Variants in MYLK observed in about 807,000 individuals in gnomAD.
MYLK encodes the protein myosin light chain kinase.
A neutral mutation model predicts 203.4 loss-of-function variants in MYLK; 106 were observed. The ratio of observed to expected loss-of-function variants is 0.52; its 90% confidence interval spans 0.45 to 0.61. MYLK has a LOEUF of 0.61. Ranked by LOEUF, MYLK falls within the 20% of genes least tolerant of loss-of-function variation. MYLK has a pLI of 0.00. For synonymous variants in MYLK, 867 were observed against 959.5 expected, an observed-to-expected ratio of 0.90 and a Z score of 1.78; for missense variants, 2,072 against 2,442.3, an observed-to-expected ratio of 0.85 and a Z score of 3.20.
chr3:123,820,237 A>G (rs563517957), intron 3 of MYLK, among the ~76,000 whole-genome samples: 18 of 152,320 alleles, frequency 1.2e-4, no homozygotes, highest in African/African-American at 3.4e-4. Flanking sequence ...AATCTGGCCT[A>G]GAACAGCTGA....
At chr3:123,830,252 G>A (rs997179676) in intron 3 of MYLK, among the ~76,000 whole-genome samples, 3 of 152,150 alleles carry the variant, frequency 2.0e-5, no homozygotes, top group Non-Finnish European at 2.9e-5. Context: ...TTCAGTGTTC[G>A]CTTTGGTCCA....
chr3:123,869,196 C>T (rs2032562460), intron 2 of MYLK, among the ~76,000 whole-genome samples: 1 of 152,026 alleles, frequency 6.6e-6, no homozygotes, highest in Non-Finnish European at 1.5e-5. Flanking sequence ...GGTCTTGAAC[C>T]TTGTCAAGAG....
rs781712914 is a variant in MYLK at position 123,618,680 on chromosome 3, A to G, written c.5459T>C (p.Val1820Ala). 1.9e-6 allele frequency: 3 copies of G among 1,614,028 alleles called. No individual in the cohort carries two copies. The South Asian group carries it at 3.3e-5, about 18-fold the overall frequency. ...AAATCTAGCAGCACTTCCCTCCACA[A>G]CTTCTAAATCGCGAATGGTCTTAGA... is the stretch of plus-strand genomic sequence containing the variant. ...YFSKTIRDLE[V>A]VEGSAARFDC... The change falls in exon 33 of 34, where the codon GTT (valine) becomes GCT (alanine). Residue 1820 changes from valine (V) to alanine (A), a missense_variant. Physicochemically the swap from Val to Ala is moderately conservative, Grantham distance 64. Around this residue, in one of 3 missense-constraint regions of MYLK, gnomAD observed 524 missense variants for 782.4 expected, o/e 0.67. Coordinates refer to ENST00000360304, the MANE Select transcript of MYLK (RefSeq NM_053025.4).
At position 123,692,822 on chromosome 3, in the gene MYLK, C is replaced by G. The variant is rs756317553; in HGVS notation, c.3478G>C (p.Ala1160Pro). The change falls in exon 19 of 34, where the codon GCA (alanine) becomes CCA (proline). Residue 1160 changes from alanine to proline, a missense_variant. Transcript: ENST00000360304. ...TATAAGCCTCTGTCCTCAGGCAGTG[C>G]CTTCTCGATGGAGACGGAGCAGAGT... ...GSLCSVSIEK[A>P]LPEDRGLYKC... is the part of the protein sequence containing the mutation. 4 of 1,614,018 alleles carry G rather than the reference C, an allele frequency of 2.5e-6. No individual in the cohort carries two copies. In the Admixed American group the frequency reaches 5.0e-5, roughly 20 times the overall value.
At chr3:123,817,511 G>A (rs186427534) in intron 3 of MYLK, among the ~76,000 whole-genome samples, 6 of 152,316 alleles carry the variant, frequency 3.9e-5, no homozygotes, top group African/African-American at 1.2e-4. Context: ...GGAGTTGTCA[G>A]GGGGCCGTAG....
At chr3:123,633,736 C>T (rs759849648) in intron 29 of MYLK, among the ~76,000 whole-genome samples, 1 of 152,154 alleles carries the variant, frequency 6.6e-6, no homozygotes, top group Non-Finnish European at 1.5e-5. Flanking sequence ...CAAAGAAATT[C>T]CCCCAGGGAA....
intron 3 of MYLK, among the ~76,000 whole-genome samples, chr3:123,815,919 T>C (rs1325870270): frequency 6.6e-6 from 1 of 152,238 alleles, no homozygotes. Context: ...TAATAGTCCC[T>C]GGAGACATAG....
At chr3:123,717,532 G>C (rs1206816383) in intron 13 of MYLK, among the ~76,000 whole-genome samples, 1 of 152,090 alleles carries the variant, frequency 6.6e-6, no homozygotes, top group Admixed American at 6.6e-5. Flanking sequence ...ATGTCAAATG[G>C]GCACAACTGG....
In MYLK at chr3:123,664,343, C is replaced by T. The variant is rs2059665547; in HGVS notation, c.3832-85G>A. On this transcript the variant is annotated intron_variant, in intron 22 of 33. Transcript: ENST00000360304. ...GGGGCTCCTCCCCATTCCCTACTTC[C>T]TGAAGGATGCAGCTGGACAAGCTGT... is the stretch of plus-strand genomic sequence containing the variant. The T allele has an allele frequency of 2.5e-6, 4 of 1,581,588 alleles. No homozygotes were observed. The Admixed American group carries it at 6.7e-5, about 26-fold the overall frequency.
chr3:123,836,490 T>C (rs1400753512), intron 2 of MYLK, among the ~76,000 whole-genome samples: 3 of 152,206 alleles, frequency 2.0e-5, no homozygotes, highest in East Asian at 1.9e-4. Flanking sequence ...GGTTATGCCA[T>C]ACCAGAAACA....
chr3:123,752,255 G>T (rs2063217398), intron 5 of MYLK, 76 bp downstream of exon 5: 2 of 1,463,940 alleles, frequency 1.4e-6, no homozygotes, highest in Non-Finnish European at 1.9e-6. Context: ...TCAAGAGAGG[G>T]CTAAGGCAGG....
rs144413045 is a variant in MYLK, at chr3:123,807,791, C to A, written c.-3-13947G>T. 5.3e-3 allele frequency among the ~76,000 whole-genome samples: 811 copies of A among 152,354 alleles called. 3 individuals are homozygous for A. Among genetic ancestry groups the A allele is most frequent in the Middle Eastern group, 0.014 (4 of 294 alleles). ...AAGGCCAGAAATCTCTGTGTTCTCT[C>A]CAAAACCTTGCTGCCCTTCTCCAGA... is the stretch of plus-strand genomic sequence containing the variant. On this transcript the variant is annotated intron_variant, in intron 3 of 33. Transcript: ENST00000360304.
chr3:123,870,245 G>A (rs764392420), intron 2 of MYLK, among the ~76,000 whole-genome samples: 5 of 152,184 alleles, frequency 3.3e-5, no homozygotes, highest in Non-Finnish European at 5.9e-5. Context: ...CCAAACATGA[G>A]TCACATTTCT....
chr3:123,751,144 C>T (rs2063179866), intron 5 of MYLK, among the ~76,000 whole-genome samples: 1 of 152,182 alleles, frequency 6.6e-6, no homozygotes. Context: ...GGTTTATAAA[C>T]TTCCAGTCTT....
At chr3:123,763,824 T>C (rs2063615091) in intron 4 of MYLK, among the ~76,000 whole-genome samples, 1 of 152,232 alleles carries the variant, frequency 6.6e-6, no homozygotes, top group South Asian at 2.1e-4. Context: ...CGTTGGTAGA[T>C]ATTTTCATTA....
intron 2 of MYLK, among the ~76,000 whole-genome samples, chr3:123,840,922 A>G (rs199899038): frequency 2.2e-4 from 1 of 4,594 alleles, no homozygotes; most frequent in African/African-American, 1.8e-3. Context: ...TTAAAAAGGC[A>G]AAAGTTTCTT....
At chr3:123,626,419 C>T (rs551979473) in intron 31 of MYLK, among the ~76,000 whole-genome samples, 1 of 152,338 alleles carries the variant, frequency 6.6e-6, no homozygotes, top group Non-Finnish European at 1.5e-5. Context: ...ATCATGTGCC[C>T]TCCTTCATCA....
intron 20 of MYLK, among the ~76,000 whole-genome samples, chr3:123,679,237 G>A (rs1369139506): frequency 6.6e-6 from 1 of 151,638 alleles, no homozygotes; most frequent in East Asian, 1.9e-4. Context: ...AAACCAGGAG[G>A]CGGAGGTTGT....
At position 123,613,140 on chromosome 3, in the gene MYLK, C is replaced by G. The variant is rs933380524; in HGVS notation, c.*965G>C. ...AACTCTGGCTATCTTGGAGGAGATT[C>G]CAAAGTACATGGAGTTCTCCAGCTC... On this transcript the variant is annotated 3_prime_UTR_variant, in exon 34 of 34. Transcript: ENST00000360304. 1 of 152,198 alleles carries G rather than the reference C, an allele frequency of 6.6e-6. No individual in the cohort carries two copies. Among genetic ancestry groups the G allele is most frequent in the Admixed American group, 6.5e-5 (1 of 15,280 alleles). 9.4% of individuals were successfully genotyped at this position (152,198 alleles called of 1,614,324 possible).
Sources: allele counts gnomAD v4.1 joint callset (sites outside exome capture counted in the v4.1 genomes callset), GRCh38; gene constraint gnomAD v4.1.1; regional missense constraint gnomAD v4.1.1; transcripts MANE v1.5; gene names NCBI Gene and HGNC (gene_info 2026-07-23, HGNC 2026-07-21).